The following LSP1 variants were observed in gnomAD, a reference collection of about 807,000 sequenced individuals.
LSP1 encodes lymphocyte specific protein 1.
LSP1 carries 32 observed loss-of-function variants against 49.3 expected under a neutral mutation model. The ratio of observed to expected loss-of-function variants is 0.65; its 90% CI spans 0.49 to 0.87. LSP1 has a LOEUF of 0.87. Ranked by LOEUF, LSP1 falls within the 40% of genes least tolerant of loss-of-function variation. The pLI, the probability that LSP1 is intolerant of heterozygous loss-of-function variation, is 0.00. For missense variants in LSP1, 428 were observed against 442.6 expected (o/e 0.97, Z 0.30); for synonymous variants, 179 against 178.8 (o/e 1.00, Z -0.01).
chr11:1,872,729 A>G (rs1159801535), intron 1 of LSP1, among the ~76,000 whole-genome samples: 1 of 148,166 alleles, frequency 6.7e-6, no homozygotes, highest in African/African-American at 2.5e-5. Context: ...CTGCGCTGGT[A>G]GAGTTGGGGT....
At chr11:1,861,331 T>C (rs1847623517) in intron 1 of LSP1, among the ~76,000 whole-genome samples, 1 of 152,258 alleles carries the variant, frequency 6.6e-6, no homozygotes. Flanking sequence ...TTTATGTGTT[T>C]GTTCCCACAC....
At chr11:1,883,300 C>G in intron 3 of LSP1, 119 bp from the exon 4 acceptor site, 1 of 1,298,304 alleles carries the variant, frequency 7.7e-7, no homozygotes, top group Non-Finnish European at 1.1e-6. Context: ...TCCCTTGGCA[C>G]TCAAGTAGCC....
intron 1 of LSP1, among the ~76,000 whole-genome samples, chr11:1,866,029 G>A (rs1234122045): frequency 6.6e-6 from 1 of 152,038 alleles, no homozygotes; most frequent in African/African-American, 2.4e-5. Context: ...GGGTCAGGTG[G>A]GAGAGCAGAG....
At chr11:1,872,933 A>G (rs12418543) in intron 1 of LSP1, among the ~76,000 whole-genome samples, 55,088 of 151,284 alleles carry the variant, frequency 0.36, 10,369 homozygotes, top group South Asian at 0.48. Context: ...GGAGGAGGCG[A>G]CCCTATCCCA....
intron 1 of LSP1, among the ~76,000 whole-genome samples, chr11:1,879,245 T>TGAGGCAGGAGAATCGCTTG (rs370726580): frequency 5.9e-5 from 9 of 152,294 alleles, no homozygotes; most frequent in African/African-American, 2.2e-4. Context: ...CTCAGGAGGC[T>TGAGGCAGGAGAATCGCTTG]GAGGCAGGAG....
At chr11:1,864,651 G>A (rs1847729148) in intron 1 of LSP1, among the ~76,000 whole-genome samples, 1 of 152,028 alleles carries the variant, frequency 6.6e-6, no homozygotes. Context: ...GAAGGGGGCT[G>A]GGGGAAACAA....
At chr11:1,881,809 G>C (rs560537721) in intron 3 of LSP1, among the ~76,000 whole-genome samples, 2 of 152,266 alleles carry the variant, frequency 1.3e-5, no homozygotes, top group South Asian at 4.1e-4. Flanking sequence ...TGCCCCCATG[G>C]CCAGGAAAGG....
chr11:1,855,899 C>T (rs891589768), intron 1 of LSP1, among the ~76,000 whole-genome samples: 82 of 152,320 alleles, frequency 5.4e-4, no homozygotes, highest in Middle Eastern at 6.8e-3. Flanking sequence ...GGCCTTGAGG[C>T]GATGAGGACG....
chr11:1,868,750 G>A (rs1158692717), intron 1 of LSP1: 85 of 985,764 alleles, frequency 8.6e-5, no homozygotes, highest in Middle Eastern at 5.2e-4. Context: ...TGCAGGGACC[G>A]AGTGGCCCAG....
Position 1,853,090 on chromosome 11 carries a change from C to G in LSP1, c.-55C>G. ...CCAGAAAGCACTGAAAGCCACAGCA[C>G]GTACACCCACTCCAGGGATCTGCCA... On this transcript the variant is annotated 5_prime_UTR_variant, in exon 1 of 11. Transcript: ENST00000311604. 6.4e-7 allele frequency: 1 copy of G among 1,569,386 alleles called. No homozygotes were observed. Among genetic ancestry groups the G allele is most frequent in the Admixed American group, 1.9e-5 (1 of 53,442 alleles).
chr11:1,855,524 G>A (rs751064244), intron 1 of LSP1, among the ~76,000 whole-genome samples: 2 of 152,168 alleles, frequency 1.3e-5, no homozygotes, highest in African/African-American at 4.8e-5. Flanking sequence ...TGCCCGGGAC[G>A]GGGCCAGATT....
chr11:1,858,900 G>A (rs560082453), intron 1 of LSP1, among the ~76,000 whole-genome samples: 1 of 152,344 alleles, frequency 6.6e-6, no homozygotes, highest in South Asian at 2.1e-4. Flanking sequence ...TGCTGAGCAG[G>A]GGTGGCAGGA....
chr11:1,856,863 C>T (rs571784982), intron 1 of LSP1, among the ~76,000 whole-genome samples: 101 of 152,330 alleles, frequency 6.6e-4, no homozygotes, highest in African/African-American at 2.2e-3. Flanking sequence ...GAGCCCCCAG[C>T]GGTGCCCACG....
At chr11:1,891,395 G>C (rs924501328) in intron 10 of LSP1, 1 of 152,398 alleles carries the variant, frequency 6.6e-6, no homozygotes, top group Non-Finnish European at 1.5e-5. Flanking sequence ...AGCTGCTGGA[G>C]GGGTGGGGGC....
chr11:1,878,474 C>T (rs893313178), intron 1 of LSP1, among the ~76,000 whole-genome samples: 6 of 141,400 alleles, frequency 4.2e-5, no homozygotes, highest in Admixed American at 1.4e-4. Context: ...CAGGCGGATT[C>T]GGGGGCGCGG....
intron 1 of LSP1, among the ~76,000 whole-genome samples, chr11:1,878,026 GT>G (rs1401084063): frequency 6.6e-6 from 1 of 152,254 alleles, no homozygotes; most frequent in East Asian, 1.9e-4. Flanking sequence ...GAGGGGGTCT[GT>G]GGAGCTGGAG....
intron 10 of LSP1, chr11:1,889,452 G>A (rs961064608): frequency 3.1e-6 from 2 of 643,964 alleles, no homozygotes; most frequent in African/African-American, 1.8e-5. Flanking sequence ...CTCTGTGGGG[G>A]CAGGCACCTC....
At chr11:1,871,164 G>A (rs1006980754) in intron 1 of LSP1, 2 of 985,516 alleles carry the variant, frequency 2.0e-6, no homozygotes, top group Non-Finnish European at 2.4e-6. Context: ...TAGTGACACG[G>A]AGGAAGACAG....
At chr11:1,889,616 G>T (rs1848903976) in intron 10 of LSP1, 1 of 615,010 alleles carries the variant, frequency 1.6e-6, no homozygotes, top group Admixed American at 2.9e-5. Context: ...ATGGGTGAGG[G>T]CCTGATGGTG....
Sources: allele counts gnomAD v4.1 joint callset (sites outside exome capture counted in the v4.1 genomes callset), GRCh38; gene constraint gnomAD v4.1.1; transcripts MANE v1.5; gene names NCBI Gene and HGNC (gene_info 2026-07-23, HGNC 2026-07-21).